Variants in CCNY observed in about 807,000 individuals in gnomAD.
CCNY encodes the protein cyclin-Y.
In CCNY, 19 loss-of-function variants were observed where a neutral mutation model predicts 42.8. The ratio of observed to expected loss-of-function variants is 0.44; its 90% CI spans 0.31 to 0.65. The LOEUF (loss-of-function observed/expected upper bound fraction) is 0.65, where lower values mean the gene tolerates loss of function less well. CCNY is among the 30% of genes least tolerant of loss of function. The probability of loss-of-function intolerance (pLI) is 0.07; values close to 1 mark genes in which losing one functional copy is unlikely to be tolerated. For synonymous variants in CCNY, 165 were observed against 162.7 expected, an observed-to-expected ratio of 1.01 and a Z score of -0.11; for missense variants, 370 against 437.3, an observed-to-expected ratio of 0.85 and a Z score of 1.37.
intron 3 of CCNY, among the ~76,000 whole-genome samples, chr10:35,271,702 G>C (rs1003696658): frequency 3.3e-5 from 5 of 152,168 alleles, no homozygotes; most frequent in Non-Finnish European, 2.9e-5. Context: ...ACCGATGCCA[G>C]AGTGGCCCCT....
chr10:35,372,450 G>A (rs1340571871), intron 1 of CCNY, among the ~76,000 whole-genome samples: 2 of 152,178 alleles, frequency 1.3e-5, no homozygotes, highest in Non-Finnish European at 2.9e-5. Flanking sequence ...GCCTTCCAGG[G>A]TGTGCGGAGG....
At chr10:35,551,426 A>G (rs1271011978) in intron 7 of CCNY, among the ~76,000 whole-genome samples, 1 of 152,226 alleles carries the variant, frequency 6.6e-6, no homozygotes, top group Non-Finnish European at 1.5e-5. Flanking sequence ...GCGTTTTGTA[A>G]TATTTAAGAC....
At chr10:35,465,949 G>GTGTGTC (rs1212188303) in intron 1 of CCNY, among the ~76,000 whole-genome samples, 10 of 151,376 alleles carry the variant, frequency 6.6e-5, no homozygotes, top group Non-Finnish European at 1.3e-4. Context: ...GTGTGTGTGT[G>GTGTGTC]TGTGTGTGTG....
chr10:35,362,509 G>T (rs924263066), intron 1 of CCNY, among the ~76,000 whole-genome samples: 5 of 152,192 alleles, frequency 3.3e-5, no homozygotes, highest in Non-Finnish European at 5.9e-5. Flanking sequence ...TCCAGACGAG[G>T]CTTGGGCCAC....
At chr10:35,350,393 C>T (rs1161080386) in intron 1 of CCNY, among the ~76,000 whole-genome samples, 3 of 152,070 alleles carry the variant, frequency 2.0e-5, no homozygotes, top group Admixed American at 6.5e-5. Context: ...TGAGTACTCA[C>T]AGTGGACTTT....
intron 1 of CCNY, among the ~76,000 whole-genome samples, chr10:35,375,514 C>CTA (rs1163479795): frequency 2.0e-5 from 3 of 152,128 alleles, no homozygotes; most frequent in African/African-American, 7.2e-5. Context: ...TTCCCATTTG[C>CTA]TATATGAGGT....
Position 35,328,631 on chromosome 10 carries a change from C to T in CCNY, c.-9+78005C>T, listed in dbSNP as rs148453551. Among the ~76,000 whole-genome samples, 811 of 152,206 alleles carry T rather than the reference C, an allele frequency of 5.3e-3. 8 individuals are homozygous for T. Among genetic ancestry groups the T allele is most frequent in the African/African-American group, 0.016 (656 of 41,534 alleles). Reference sequence around the variant, plus strand: ...CTGCAGGCAGAACCAACTACAACTTCGTGTGATGGATAAAATAAAAAACAG... The same window carrying T: ...CTGCAGGCAGAACCAACTACAACTTTGTGTGATGGATAAAATAAAAAACAG... On this transcript the variant is annotated intron_variant, in intron 3 of 11. Transcript: ENST00000374706.
In CCNY at chr10:35,569,101, C is replaced by T. The variant is rs766833961; in HGVS notation, c.957C>T (p.Ser319=). ...CEDKYKDLRR[S]ARKRSASADN... ...ACAAGTACAAGGACCTAAGAAGATC[C>T]GCGAGGAAGCGCTCAGCCAGTGCAG... The change falls in exon 10 of 10, where the codon TCC becomes TCT. Residue 319 remains serine, a synonymous_variant. Coordinates refer to ENST00000374704, the MANE Select transcript of CCNY (RefSeq NM_145012.6). 37 of 1,612,966 alleles carry T rather than the reference C, an allele frequency of 2.3e-5. No individual in the cohort carries two copies. The highest frequency in any genetic ancestry group is 4.4e-5 in the South Asian group (4 of 91,080).
chr10:35,300,338 C>T (rs1289265133), intron 3 of CCNY, among the ~76,000 whole-genome samples: 3 of 152,108 alleles, frequency 2.0e-5, no homozygotes, highest in Admixed American at 2.0e-4. Context: ...GAGTTCCCCT[C>T]CTGTATCACA....
chr10:35,402,331 A>T (rs1235779664), intron 1 of CCNY, among the ~76,000 whole-genome samples: 1 of 152,186 alleles, frequency 6.6e-6, no homozygotes, highest in Non-Finnish European at 1.5e-5. Context: ...GAAGGAGAAA[A>T]CTAGGTATTA....
At chr10:35,412,375 T>C (rs1327077451) in intron 1 of CCNY, among the ~76,000 whole-genome samples, 1 of 152,056 alleles carries the variant, frequency 6.6e-6, no homozygotes, top group Non-Finnish European at 1.5e-5. Context: ...AGGAACTCAG[T>C]ATAGAAGGAC....
At chr10:35,270,663 T>C (rs1217173090) in intron 3 of CCNY, among the ~76,000 whole-genome samples, 1 of 152,052 alleles carries the variant, frequency 6.6e-6, no homozygotes, top group Non-Finnish European at 1.5e-5. Flanking sequence ...TGCTCTAACT[T>C]CAGTGTGTAG....
Position 35,426,105 on chromosome 10 carries a change from G to GCA in CCNY, c.155-57297_155-57296dup, listed in dbSNP as rs1356511719. On this transcript the variant is annotated intron_variant, in intron 1 of 9. Coordinates refer to ENST00000374704, the MANE Select transcript of CCNY (RefSeq NM_145012.6). ...CTCCTCTTCTCCCTTCACTGGTCCA[G>GCA]CACGCGCACACACACACACACACAC... Among the ~76,000 whole-genome samples the GCA allele has an allele frequency of 2.1e-3, 120 of 58,030 alleles. 1 individual carries two copies. Among genetic ancestry groups the GCA allele is most frequent in the Non-Finnish European group, 3.8e-3 (93 of 24,522 alleles). The allele number at this position is 58,030 out of a possible 152,430, so 38.1% of individuals were successfully genotyped here.
At chr10:35,365,698 G>A (rs1254058478) in intron 1 of CCNY, among the ~76,000 whole-genome samples, 2 of 152,140 alleles carry the variant, frequency 1.3e-5, no homozygotes, top group African/African-American at 2.4e-5. Context: ...AAAATCTTTA[G>A]TGGATAGTAT....
chr10:35,560,589 G>A (rs565041814), intron 8 of CCNY, among the ~76,000 whole-genome samples: 3 of 152,204 alleles, frequency 2.0e-5, no homozygotes, highest in East Asian at 1.9e-4. Context: ...AAAAATTCCC[G>A]TTGTTTAAGC....
At chr10:35,389,249 C>G (rs1837360990) in intron 1 of CCNY, among the ~76,000 whole-genome samples, 1 of 152,104 alleles carries the variant, frequency 6.6e-6, no homozygotes, top group African/African-American at 2.4e-5. Flanking sequence ...ACTACTGCTA[C>G]TACTACTGTA....
At chr10:35,482,589 G>A (rs1839692359) in intron 1 of CCNY, among the ~76,000 whole-genome samples, 1 of 152,176 alleles carries the variant, frequency 6.6e-6, no homozygotes, top group Non-Finnish European at 1.5e-5. Flanking sequence ...TGCCAGTAAA[G>A]CAGAGAGGGG....
At chr10:35,489,523 A>G (rs1839856873) in intron 2 of CCNY, among the ~76,000 whole-genome samples, 1 of 152,102 alleles carries the variant, frequency 6.6e-6, no homozygotes, top group African/African-American at 2.4e-5. Context: ...GGTGGTCTCG[A>G]TCTTCTGACC....
chr10:35,551,010 G>A (rs1434330265), intron 7 of CCNY, among the ~76,000 whole-genome samples: 10 of 152,112 alleles, frequency 6.6e-5, no homozygotes, highest in Non-Finnish European at 1.0e-4. Context: ...GACAGAAAGC[G>A]TCCAGAGTCA....
Sources: gnomAD v4.1 joint callset for allele counts (sites outside exome capture counted in the v4.1 genomes callset) on GRCh38, gnomAD v4.1.1 for gene constraint, MANE v1.5 for transcripts, NCBI Gene and HGNC (gene_info 2026-07-23, HGNC 2026-07-21) for gene names.